Variants in IK observed in about 807,000 individuals in gnomAD.
IK encodes IK cytokine.
IK carries 47 observed loss-of-function variants against 90.9 expected under a neutral mutation model. That is an observed-to-expected ratio of 0.52 (90% CI 0.41 to 0.66). IK has a LOEUF of 0.66. IK is among the 30% of genes least tolerant of loss of function. IK has a pLI of 0.00. For synonymous variants in IK, 201 were observed against 227.5 expected (o/e 0.88, Z 1.05); for missense variants, 385 against 709.3 (o/e 0.54, Z 5.19).
Position 140,659,102 on chromosome 5 carries a change from CGA to C in IK, c.1123_1124del (p.Glu375ArgfsTer10), listed in dbSNP as rs978054430. On this transcript the variant is annotated frameshift_variant, in exon 12 of 20. Coordinates refer to ENST00000417647, the MANE Select transcript of IK (RefSeq NM_006083.4). LOFTEE classifies it high-confidence loss of function. Reference protein sequence around the residue: ...RDRERERERDREREEEKKRHS... With the variant: ...RDRERERERDXEREEEKKRHS... ...TCGGGAACGAGAGCGAGAGCGGGAC[CGA>C]GAGAGAGAAGAGGAAAAGAAGAGAC... is the stretch of plus-strand genomic sequence containing the variant. 4 of 1,609,994 alleles carry C rather than the reference CGA, an allele frequency of 2.5e-6. No homozygotes were observed. Among genetic ancestry groups the C allele is most frequent in the Non-Finnish European group, 3.4e-6 (4 of 1,178,104 alleles).
At position 140,653,273 on chromosome 5, in the gene IK, A is replaced by G; in HGVS notation, c.404+129A>G. 5 of 644,796 alleles carry G rather than the reference A, an allele frequency of 7.8e-6. No individual in the cohort carries two copies. In the South Asian group the frequency reaches 1.2e-4, roughly 15 times the overall value. The allele number at this position is 644,796 out of a possible 1,614,324, so 39.9% of individuals were successfully genotyped here. Reference sequence around the variant, plus strand: ...GCGATTTCAGAGGCATTTGCCACCCACAAAGGGCTGTTCTTTTTTTTTTTT... The same window carrying G: ...GCGATTTCAGAGGCATTTGCCACCCGCAAAGGGCTGTTCTTTTTTTTTTTT... On this transcript the variant is annotated intron_variant, in intron 5 of 19. Coordinates refer to ENST00000417647, the MANE Select transcript of IK (RefSeq NM_006083.4).
intron 9 of IK, among the ~76,000 whole-genome samples, chr5:140,656,524 T>G (rs1036092022): frequency 8.2e-6 from 1 of 122,430 alleles, no homozygotes; most frequent in Non-Finnish European, 1.8e-5. Flanking sequence ...GTTTCCGCAC[T>G]TCCACTCTGG....
rs558918960 is a variant in IK, at chr5:140,661,359, TTTCCTCATC to T, written c.1414-260_1414-252del. ...AGTTCTTTCACTGTTTATGCCTCAG[TTTCCTCATC>T]AGGAAAATGGAGAGAAATATAGTTC... On this transcript the variant is annotated intron_variant, in intron 16 of 19. Coordinates refer to ENST00000417647, the MANE Select transcript of IK (RefSeq NM_006083.4). This position sits in a 1 kb window ranked among gnomAD's most constrained non-coding sequence, Gnocchi z 4.2. The T allele has an allele frequency of 5.2e-4, 222 of 430,012 alleles. No individual in the cohort carries two copies. The highest frequency in any genetic ancestry group is 4.4e-3 in the African/African-American group (215 of 49,158). The allele number at this position is 430,012 out of a possible 1,614,324, so 26.6% of individuals were successfully genotyped here. A position where few individuals can be genotyped will look rare whatever the true frequency, so the allele number is the denominator to read the frequency against.
chr5:140,658,590 G>T, intron 10 of IK, 147 bp from the exon 11 acceptor site: 1 of 659,290 alleles, frequency 1.5e-6, no homozygotes. Flanking sequence ...GAAGTGCTGG[G>T]ATTACAGGCG....
chr5:140,649,996 C>T (rs1340573983), intron 2 of IK, among the ~76,000 whole-genome samples: 1 of 152,168 alleles, frequency 6.6e-6, no homozygotes, highest in African/African-American at 2.4e-5. Context: ...CTGAGATTAT[C>T]TTTCAGAGCA....
intron 1 of IK, chr5:140,648,267 C>G (rs1310136964): frequency 1.4e-6 from 1 of 708,120 alleles, no homozygotes. Flanking sequence ...GAAGTCTTCT[C>G]TGATCCTCCA....
chr5:140,659,744 C>CT lies in IK; in HGVS notation c.1196-8dup, dbSNP rs1191648326. 1 of 1,573,484 alleles carries CT rather than the reference C, an allele frequency of 6.4e-7. No homozygotes were observed. The highest frequency in any genetic ancestry group is 8.7e-7 in the Non-Finnish European group (1 of 1,155,144). ...CAGTTCAAGGTCTGGGCTGAGTTCT[C>CT]TTTTCTCCTAGGACCTGGGTCTACC... On this transcript the variant is annotated splice_polypyrimidine_tract_variant and intron_variant, in intron 13 of 19. Transcript: ENST00000417647.
At chr5:140,653,185 G>A (rs763020460) in intron 5 of IK, 41 bp downstream of exon 5, 10 of 1,559,792 alleles carry the variant, frequency 6.4e-6, no homozygotes, top group African/African-American at 1.4e-5. Context: ...CTCAGCATCC[G>A]AGAGTCATGC....
Position 140,659,349 on chromosome 5 carries a change from A to G in IK, c.1195+16A>G. 6.2e-7 allele frequency: 1 copy of G among 1,613,934 alleles called. No individual in the cohort carries two copies. The highest frequency in any genetic ancestry group is 1.1e-5 in the South Asian group (1 of 91,084). ...GTTGACAAAGGTGAGTTGTACACAC[A>G]GCATCTCACAGTTGCTCTAGCAGTC... is the stretch of plus-strand genomic sequence containing the variant. On this transcript the variant is annotated intron_variant, in intron 13 of 19. Transcript: ENST00000417647.
At chr5:140,660,292 C>CCTTTTTTTTTTTTTTTT (rs1757781333) in intron 15 of IK, 97 bp downstream of exon 15, 2 of 283,168 alleles carry the variant, frequency 7.1e-6, no homozygotes, top group Non-Finnish European at 6.2e-6. Context: ...AGGGCTACTT[C>CCTTTTTTTTTTTTTTTT]TTTTTTTTTT....
At chr5:140,657,257 G>A (rs1430198333) in intron 9 of IK, among the ~76,000 whole-genome samples, 1 of 152,158 alleles carries the variant, frequency 6.6e-6, no homozygotes, top group African/African-American at 2.4e-5. Context: ...GAAGCTTTTA[G>A]TAGTATCTCA....
At chr5:140,656,654 A>G (rs1757715862) in intron 9 of IK, among the ~76,000 whole-genome samples, 1 of 152,178 alleles carries the variant, frequency 6.6e-6, no homozygotes, top group African/African-American at 2.4e-5. Flanking sequence ...TATAGTAGGT[A>G]TATATATTTA....
At chr5:140,659,583 G>A (rs929792692) in intron 13 of IK, among the ~76,000 whole-genome samples, 173 bp from the exon 14 acceptor site, 1 of 152,216 alleles carries the variant, frequency 6.6e-6, no homozygotes, top group African/African-American at 2.4e-5. Flanking sequence ...AGTATGGAAT[G>A]TTCTGGATAC....
In IK at chr5:140,655,887, C is replaced by G; in HGVS notation, c.696C>G (p.Phe232Leu). 6.2e-7 allele frequency: 1 copy of G among 1,603,936 alleles called. No individual in the cohort carries two copies. Among genetic ancestry groups the G allele is most frequent in the South Asian group, 1.1e-5 (1 of 89,154 alleles). ...AAGCATATGAGCGGAATGAGTTGTT[C>G]CTGCCGGGCCGCATGGCCTATGTGG... ...KSKAYERNEL[F>L]LPGRMAYVVD... is the part of the protein sequence containing the mutation. Residue 232 changes from phenylalanine (F) to leucine (L), a missense_variant, in exon 9 of 20, where the codon TTC (phenylalanine) becomes TTG (leucine). Phe to Leu is a conservative substitution (Grantham distance 22). Coordinates refer to ENST00000417647, the MANE Select transcript of IK (RefSeq NM_006083.4).
rs1432626465 is a variant in IK at position 140,659,009 on chromosome 5, T to G, written c.1021T>G (p.Tyr341Asp). ...KTPRDKERERYRERERDRERD... is the reference protein window; with the variant it reads ...KTPRDKERERDRERERDRERD... ...ACCTCGGGACAAGGAGCGGGAGAGA[T>G]ATCGGGAACGGGAGCGTGATCGGGA... The change falls in exon 12 of 20, where the codon TAT (tyrosine) becomes GAT (aspartate). Residue 341 changes from tyrosine to aspartate, a missense_variant. Tyr to Asp is a radical substitution (Grantham distance 160). Transcript: ENST00000417647. The G allele has an allele frequency of 4.3e-6, 7 of 1,613,128 alleles. No individual in the cohort carries two copies. Among genetic ancestry groups the G allele is most frequent in the Admixed American group, 1.7e-5 (1 of 59,964 alleles).
chr5:140,662,454 G>A lies in IK; in HGVS notation c.*125G>A. 1 of 1,077,166 alleles carries A rather than the reference G, an allele frequency of 9.3e-7. No individual in the cohort carries two copies. Among genetic ancestry groups the A allele is most frequent in the Non-Finnish European group, 1.4e-6 (1 of 714,694 alleles). The allele number at this position is 1,077,166 out of a possible 1,614,324, so 66.7% of individuals were successfully genotyped here. ...TAAAATTTTATTGTGTAATTACTTGGTTCCATTAAAATTGGTTAACTTGCT... is the reference window on the plus strand; with the variant it reads ...TAAAATTTTATTGTGTAATTACTTGATTCCATTAAAATTGGTTAACTTGCT... On this transcript the variant is annotated 3_prime_UTR_variant, in exon 20 of 20. Transcript: ENST00000417647.
intron 9 of IK, 129 bp downstream of exon 9, chr5:140,656,121 T>C: frequency 1.3e-6 from 1 of 778,984 alleles, no homozygotes. Flanking sequence ...AAATCTCAAC[T>C]GAATCCATTC....
At chr5:140,656,106 C>A in intron 9 of IK, 114 bp downstream of exon 9, 1 of 898,388 alleles carries the variant, frequency 1.1e-6, no homozygotes, top group Non-Finnish European at 1.7e-6. Context: ...TCACTTTTAC[C>A]TCCTAAATCT....
In IK at chr5:140,656,315, T is replaced by C. The variant is rs781652590; in HGVS notation, c.801+323T>C. On this transcript the variant is annotated intron_variant, in intron 9 of 19. Coordinates refer to ENST00000417647, the MANE Select transcript of IK (RefSeq NM_006083.4). ...TCAAACGATTCTCCTGCCGCAGCCTTCCAAGTAGCTGGGACTACAGGCATT... is the reference window on the plus strand; with the variant it reads ...TCAAACGATTCTCCTGCCGCAGCCTCCCAAGTAGCTGGGACTACAGGCATT... Among the ~76,000 whole-genome samples the C allele has an allele frequency of 3.6e-4, 55 of 152,162 alleles. 1 individual carries two copies. The highest frequency in any genetic ancestry group is 2.6e-4 in the Admixed American group (4 of 15,268).
Sources: allele counts gnomAD v4.1 joint callset (sites outside exome capture counted in the v4.1 genomes callset), GRCh38; gene constraint gnomAD v4.1.1; non-coding constraint Gnocchi (gnomAD v3.1); transcripts MANE v1.5; gene names NCBI Gene and HGNC (gene_info 2026-07-23, HGNC 2026-07-21).